Variants in CNTN5 observed in about 807,000 individuals in gnomAD.
CNTN5 encodes contactin-5.
CNTN5 carries 77 observed loss-of-function variants against 129.1 expected under a neutral mutation model. The observed-to-expected ratio is 0.60, with a 90% CI of 0.50 to 0.72. CNTN5 has a LOEUF of 0.72. Ranked by LOEUF, CNTN5 falls within the 30% of genes least tolerant of loss-of-function variation. CNTN5 has a pLI of 0.00. For synonymous variants in CNTN5, 509 were observed against 465.6 expected (o/e 1.09, Z -1.20); for missense variants, 1,478 against 1,328.8 (o/e 1.11, Z -1.75).
At chr11:99,378,120 A>G (rs1466690017) in intron 2 of CNTN5, among the ~76,000 whole-genome samples, 1 of 152,156 alleles carries the variant, frequency 6.6e-6, no homozygotes, top group African/African-American at 2.4e-5. Context: ...TGGAAATTAC[A>G]TAATTTTGTT....
At chr11:99,554,144 A>G (rs527644550) in intron 2 of CNTN5, among the ~76,000 whole-genome samples, 1 of 152,174 alleles carries the variant, frequency 6.6e-6, no homozygotes, top group East Asian at 1.9e-4. Context: ...ACACCCCTAC[A>G]TGGCATCTTA....
chr11:99,355,821 G>GTTTTTTTTT (rs386756715), intron 2 of CNTN5, among the ~76,000 whole-genome samples: 4 of 131,126 alleles, frequency 3.1e-5, no homozygotes, highest in Admixed American at 7.7e-5. Flanking sequence ...GTTTTTTTTT[G>GTTTTTTTTT]TTTTTTTTTT....
intron 7 of CNTN5, among the ~76,000 whole-genome samples, chr11:99,937,441 G>C (rs1345422546): frequency 6.6e-6 from 1 of 152,222 alleles, no homozygotes; most frequent in African/African-American, 2.4e-5. Context: ...GAGAATGAAA[G>C]TCTGGAGAGA....
rs1310987168 is a variant in CNTN5, at chr11:99,971,670, G to A, written c.877+14661G>A. Among the ~76,000 whole-genome samples the A allele has an allele frequency of 3.3e-5, 5 of 151,582 alleles. No individual in the cohort carries two copies. In the South Asian group the frequency reaches 8.3e-4, roughly 25 times the overall value. ...TAGCTTCCCGTATCTAAGGTATTTC[G>A]CTACCCATGAGAAAACATTATTCTC... On this transcript the variant is annotated intron_variant, in intron 8 of 24. Transcript: ENST00000524871.
chr11:100,338,318 G>A (rs577491690), intron 21 of CNTN5, among the ~76,000 whole-genome samples: 3 of 152,134 alleles, frequency 2.0e-5, no homozygotes, highest in Non-Finnish European at 4.4e-5. Context: ...CACTGGAAGA[G>A]GCAATCCTAG....
At chr11:99,598,248 T>C (rs1950183942) in intron 3 of CNTN5, among the ~76,000 whole-genome samples, 3 of 62,832 alleles carry the variant, frequency 4.8e-5, no homozygotes, top group East Asian at 8.7e-4. Flanking sequence ...CCTTCCTTTT[T>C]CTTAGCTTTC....
intron 2 of CNTN5, among the ~76,000 whole-genome samples, chr11:99,454,942 G>T (rs1019850232): frequency 1.3e-5 from 2 of 152,030 alleles, no homozygotes; most frequent in South Asian, 4.2e-4. Flanking sequence ...AGTAAGCATT[G>T]AGCCAACACA....
intron 3 of CNTN5, among the ~76,000 whole-genome samples, chr11:99,791,949 T>A (rs1945758735): frequency 6.6e-6 from 1 of 152,160 alleles, no homozygotes; most frequent in African/African-American, 2.4e-5. Flanking sequence ...TTTTGAACAT[T>A]TAATTTGTAT....
At chr11:99,953,813 C>T (rs530588736) in intron 7 of CNTN5, among the ~76,000 whole-genome samples, 96 of 152,232 alleles carry the variant, frequency 6.3e-4, no homozygotes, top group South Asian at 2.9e-3. Context: ...GGCCCAAATG[C>T]GTATTACCAC....
At chr11:100,102,983 A>C (rs1038310024) in intron 13 of CNTN5, among the ~76,000 whole-genome samples, 3 of 152,134 alleles carry the variant, frequency 2.0e-5, no homozygotes, top group Non-Finnish European at 4.4e-5. Flanking sequence ...CTTAACTATT[A>C]ACTTATTTCA....
intron 9 of CNTN5, among the ~76,000 whole-genome samples, chr11:100,024,586 G>A (rs924332651): frequency 3.9e-5 from 6 of 152,150 alleles, no homozygotes; most frequent in Non-Finnish European, 5.9e-5. Flanking sequence ...TGGCTTTGAC[G>A]AAAATGCTGA....
intron 2 of CNTN5, among the ~76,000 whole-genome samples, chr11:99,540,069 A>G (rs1948045345): frequency 6.6e-6 from 1 of 151,912 alleles, no homozygotes; most frequent in South Asian, 2.1e-4. Context: ...TCCCACAAGG[A>G]CTCTCTTTGT....
chr11:99,624,022 A>G (rs651309), intron 3 of CNTN5, among the ~76,000 whole-genome samples: 67,599 of 151,970 alleles, frequency 0.44, 15,410 homozygotes, highest in Admixed American at 0.58. Context: ...TTGTATCTCA[A>G]TATACTAAGA....
At chr11:99,167,057 T>C (rs554717127) in intron 1 of CNTN5, among the ~76,000 whole-genome samples, 2 of 152,288 alleles carry the variant, frequency 1.3e-5, no homozygotes, top group Admixed American at 6.5e-5. Context: ...TTAAGAAGTA[T>C]GTGACAGGAA....
intron 6 of CNTN5, among the ~76,000 whole-genome samples, chr11:99,903,691 C>T (rs1237202698): frequency 3.9e-5 from 6 of 152,122 alleles, no homozygotes; most frequent in African/African-American, 7.2e-5. Context: ...AGAGGAACAC[C>T]GTTAGCTTTA....
intron 1 of CNTN5, among the ~76,000 whole-genome samples, chr11:99,178,447 G>T (rs538812947): frequency 5.9e-4 from 90 of 151,886 alleles, no homozygotes; most frequent in African/African-American, 2.1e-3. Context: ...CTTGAACCCA[G>T]GAAATTATAG....
intron 3 of CNTN5, among the ~76,000 whole-genome samples, chr11:99,799,170 G>A (rs866098850): frequency 2.0e-5 from 3 of 151,862 alleles, no homozygotes; most frequent in African/African-American, 7.3e-5. Context: ...GGGTTTCTAT[G>A]TATAGAATCA....
At chr11:99,837,887 AC>A (rs1267238837) in intron 4 of CNTN5, among the ~76,000 whole-genome samples, 1 of 152,038 alleles carries the variant, frequency 6.6e-6, no homozygotes, top group Non-Finnish European at 1.5e-5. Flanking sequence ...AAGTAAAAAA[AC>A]TTCATTTTTG....
intron 1 of CNTN5, among the ~76,000 whole-genome samples, chr11:99,073,374 GTTTT>G (rs750531770): frequency 4.9e-5 from 3 of 61,196 alleles, no homozygotes; most frequent in Non-Finnish European, 8.8e-5. Context: ...TTATGGTTTG[GTTTT>G]TTTTTTTTTT....
Sources: gnomAD v4.1 joint callset for allele counts (sites outside exome capture counted in the v4.1 genomes callset) on GRCh38, gnomAD v4.1.1 for gene constraint, MANE v1.5 for transcripts, NCBI Gene and HGNC (gene_info 2026-07-23, HGNC 2026-07-21) for gene names.